LAMP2: variants seen among roughly 807,000 people sequenced by gnomAD.
LAMP2 encodes the protein lysosome associated membrane protein 2.
A neutral mutation model predicts 25.6 loss-of-function variants in LAMP2; 4 were observed. The ratio of observed to expected loss-of-function variants is 0.16; its 90% CI spans 0.08 to 0.36. The LOEUF (loss-of-function observed/expected upper bound fraction) is 0.36, where lower values mean the gene tolerates loss of function less well. LAMP2 is among the 10% of genes least tolerant of loss of function. The pLI is 1.00. For synonymous variants in LAMP2, 108 were observed against 112.7 expected (o/e 0.96, Z 0.27); for missense variants, 272 against 301.4 (o/e 0.90, Z 0.72).
intron 6 of LAMP2, among the ~76,000 whole-genome samples, chrX:120,444,971 G>A (rs955695122): frequency 4.5e-5 from 5 of 112,080 alleles, no homozygotes; most frequent in East Asian, 2.8e-4. Context: ...TTTGGATTAC[G>A]TTTTAAGATA....
At chrX:120,453,671 G>A (rs2058631761) in intron 3 of LAMP2, among the ~76,000 whole-genome samples, 1 of 111,701 alleles carries the variant, frequency 9.0e-6, no homozygotes, top group Non-Finnish European at 1.9e-5. Context: ...AGCCGGGCGT[G>A]GTGGCACGCA....
chrX:120,441,945 A>G, intron 7 of LAMP2, 51 bp from the exon 8 acceptor site: 1 of 1,123,530 alleles, frequency 8.9e-7, no homozygotes, highest in Non-Finnish European at 1.2e-6. Context: ...CAACATCAAA[A>G]ATGGGAAAGT....
intron 3 of LAMP2, among the ~76,000 whole-genome samples, chrX:120,453,638 T>A (rs1016181288): frequency 9.0e-6 from 1 of 111,572 alleles, no homozygotes; most frequent in African/African-American, 3.3e-5. Context: ...AGAAACCCTG[T>A]CTCTACTAAA....
Position 120,428,480 on chromosome X carries a change from C to A in LAMP2, c.*2843G>T. 1 of 1,159,081 alleles carries A rather than the reference C, an allele frequency of 8.6e-7. No homozygotes were observed. The highest frequency in any genetic ancestry group is 3.1e-5 in the East Asian group (1 of 31,834). ...AAAAACAAACAAACACTAGATTTAA[C>A]TGATTACACAGACTGATAACCAGTA... is the stretch of plus-strand genomic sequence containing the variant. On this transcript the variant is annotated 3_prime_UTR_variant, in exon 9 of 9. Transcript: ENST00000200639.
At chrX:120,464,963 G>A (rs1229608903) in intron 1 of LAMP2, among the ~76,000 whole-genome samples, 3 of 111,119 alleles carry the variant, frequency 2.7e-5, no homozygotes, top group Non-Finnish European at 3.8e-5. Flanking sequence ...GGCTGGTCTC[G>A]AACTCCTGAC....
At chrX:120,464,806 C>T (rs1322936804) in intron 1 of LAMP2, among the ~76,000 whole-genome samples, 1 of 111,977 alleles carries the variant, frequency 8.9e-6, no homozygotes, top group Non-Finnish European at 1.9e-5. Flanking sequence ...GGCTGGAGGA[C>T]AGTGGCATGA....
intron 8 of LAMP2, among the ~76,000 whole-genome samples, chrX:120,435,553 C>A (rs1285879928): frequency 8.9e-6 from 1 of 112,145 alleles, no homozygotes; most frequent in East Asian, 2.8e-4. Context: ...GTTCTTGATA[C>A]GTAACAAGTA....
intron 8 of LAMP2, among the ~76,000 whole-genome samples, chrX:120,436,170 A>ACT (rs1232205922): frequency 6.3e-4 from 36 of 57,293 alleles, no homozygotes; most frequent in African/African-American, 1.4e-3. Flanking sequence ...ACACACACAC[A>ACT]CTCTCTCTCT....
At chrX:120,463,915 G>GTT (rs1221202178) in intron 1 of LAMP2, among the ~76,000 whole-genome samples, 4 of 96,745 alleles carry the variant, frequency 4.1e-5, no homozygotes, top group African/African-American at 1.6e-4. Context: ...TCTGTTTTTC[G>GTT]TTTTTTTTTT....
In LAMP2 at chrX:120,428,287, G is replaced by T; in HGVS notation, c.*3036C>A. 1 of 396,351 alleles carries T rather than the reference G, an allele frequency of 2.5e-6. No individual in the cohort carries two copies. Among genetic ancestry groups the T allele is most frequent in the Non-Finnish European group, 3.8e-6 (1 of 266,286 alleles). The allele number at this position is 396,351 out of a possible 1,213,427, so 32.7% of individuals were successfully genotyped here. A position where few individuals can be genotyped will look rare whatever the true frequency, so the allele number is the denominator to read the frequency against. ...TTTCTTTTAATTATACTTTAACAAA[G>T]GAAGAAAAAAAACAGAAAAAAATTG... On this transcript the variant is annotated 3_prime_UTR_variant, in exon 9 of 9. Coordinates refer to ENST00000200639, the MANE Select transcript of LAMP2 (RefSeq NM_002294.3).
intron 7 of LAMP2, 100 bp from the exon 8 acceptor site, chrX:120,441,994 T>C: frequency 1.3e-6 from 1 of 771,380 alleles, no homozygotes; most frequent in Non-Finnish European, 2.0e-6. Flanking sequence ...ATTCCAGCAC[T>C]TTGGGAAGCC....
At chrX:120,444,077 AAGAG>A (rs2058586304) in intron 6 of LAMP2, among the ~76,000 whole-genome samples, 1 of 111,869 alleles carries the variant, frequency 8.9e-6, no homozygotes, top group Non-Finnish European at 1.9e-5. Context: ...AAAGAAAAGA[AAGAG>A]AGAAACACTG....
intron 3 of LAMP2, among the ~76,000 whole-genome samples, chrX:120,451,030 C>T (rs2058619001): frequency 9.1e-6 from 1 of 109,739 alleles, no homozygotes; most frequent in Non-Finnish European, 1.9e-5. Context: ...TAGGTTCAAA[C>T]GATTCTCATG....
At chrX:120,460,435 TTTCCCTTCCCAAGGGTTACTA>T (rs1187580611) in intron 1 of LAMP2, among the ~76,000 whole-genome samples, 3 of 111,791 alleles carry the variant, frequency 2.7e-5, no homozygotes, top group African/African-American at 9.8e-5. Flanking sequence ...CTTATTTCCC[TTTCCCTTCCCAAGGGTTACTA>T]TTCCCTTCCC....
At chrX:120,466,385 C>T (rs755244386) in intron 1 of LAMP2, among the ~76,000 whole-genome samples, 4 of 112,268 alleles carry the variant, frequency 3.6e-5, no homozygotes, top group Non-Finnish European at 5.6e-5. Context: ...CAGGGAACTA[C>T]TGATTAACAG....
At position 120,426,566 on chromosome X, in the gene LAMP2, T is replaced by C. The variant is rs767652057; in HGVS notation, c.*4757A>G. Among the ~76,000 whole-genome samples, 44 of 111,547 alleles carry C rather than the reference T, an allele frequency of 3.9e-4. No homozygotes were observed. The highest frequency in any genetic ancestry group is 7.0e-4 in the Non-Finnish European group (37 of 53,059). Reference sequence around the variant, plus strand: ...AATTAAGATAGAGCCATGATAACTATTGAGGAATTAGTGATATTAGTCTCA... The same window carrying C: ...AATTAAGATAGAGCCATGATAACTACTGAGGAATTAGTGATATTAGTCTCA... On this transcript the variant is annotated 3_prime_UTR_variant, in exon 9 of 9. Coordinates refer to ENST00000200639, the MANE Select transcript of LAMP2 (RefSeq NM_002294.3).
chrX:120,447,805 C>T, intron 5 of LAMP2, 36 bp downstream of exon 5: 1 of 1,129,981 alleles, frequency 8.8e-7, no homozygotes, highest in South Asian at 1.8e-5. Context: ...AAATGAAATG[C>T]AAAAAGGATG....
chrX:120,428,416 C>T lies in LAMP2; in HGVS notation c.*2907G>A. ...TTAAACAATCTATTGCACAGCATGT[C>T]CTGGCTTTTAGCCAATGGAAACGTA... On this transcript the variant is annotated 3_prime_UTR_variant, in exon 9 of 9. Coordinates refer to ENST00000200639, the MANE Select transcript of LAMP2 (RefSeq NM_002294.3). The T allele has an allele frequency of 8.9e-7, 1 of 1,121,078 alleles. No individual in the cohort carries two copies. The highest frequency in any genetic ancestry group is 1.2e-6 in the Non-Finnish European group (1 of 855,527). The allele number at this position is 1,121,078 out of a possible 1,213,427, so 92.4% of individuals were successfully genotyped here. A position where few individuals can be genotyped will look rare whatever the true frequency, so the allele number is the denominator to read the frequency against.
At chrX:120,450,509 A>C (rs1366037023) in intron 3 of LAMP2, among the ~76,000 whole-genome samples, 1 of 112,689 alleles carries the variant, frequency 8.9e-6, no homozygotes, top group African/African-American at 3.2e-5. Flanking sequence ...GGACTTCAAA[A>C]GCAAATCAGC....
Sources: gnomAD v4.1 joint callset for allele counts (sites outside exome capture counted in the v4.1 genomes callset) on GRCh38, gnomAD v4.1.1 for gene constraint, MANE v1.5 for transcripts, NCBI Gene and HGNC (gene_info 2026-07-23, HGNC 2026-07-21) for gene names.